Variants in UBE2V2 observed in about 807,000 individuals in gnomAD.
UBE2V2 encodes ubiquitin-conjugating enzyme E2 variant 2.
A neutral mutation model predicts 17.2 loss-of-function variants in UBE2V2; 9 were observed. The ratio of observed to expected loss-of-function variants is 0.52; its 90% CI spans 0.32 to 0.91. UBE2V2 has a LOEUF of 0.91. Among genes scored for constraint, UBE2V2 ranks in the 40% least tolerant of loss-of-function variants. The pLI is 0.04. For synonymous variants in UBE2V2, 61 were observed against 57.5 expected, an observed-to-expected ratio of 1.06 and a Z score of -0.28; for missense variants, 133 against 182.6, an observed-to-expected ratio of 0.73 and a Z score of 1.56.
At chr8:48,013,167 G>T (rs1456348766) in intron 1 of UBE2V2, among the ~76,000 whole-genome samples, 1 of 151,768 alleles carries the variant, frequency 6.6e-6, no homozygotes. Flanking sequence ...TCTTATATTG[G>T]TATGGTACAC....
At chr8:48,025,690 C>T (rs951058359) in intron 1 of UBE2V2, among the ~76,000 whole-genome samples, 2 of 151,714 alleles carry the variant, frequency 1.3e-5, no homozygotes, top group African/African-American at 4.8e-5. Context: ...AGCTCCGCCT[C>T]CTGGGTTCAC....
intron 1 of UBE2V2, among the ~76,000 whole-genome samples, chr8:48,024,753 T>C (rs1417573265): frequency 6.6e-6 from 1 of 152,110 alleles, no homozygotes; most frequent in African/African-American, 2.4e-5. Context: ...TCTAAAGGCA[T>C]TAATAGAATA....
chr8:48,025,447 TTTG>T, intron 1 of UBE2V2, among the ~76,000 whole-genome samples: 1 of 151,454 alleles, frequency 6.6e-6, no homozygotes, highest in East Asian at 2.0e-4. Flanking sequence ...TTATTTTTTT[TTTG>T]TATTTTAGTA....
intron 3 of UBE2V2, among the ~76,000 whole-genome samples, chr8:48,055,766 C>CT (rs11299073): frequency 1.2e-4 from 14 of 121,568 alleles, no homozygotes; most frequent in Non-Finnish European, 2.1e-4. Flanking sequence ...CACTTTCTGT[C>CT]TTTTTTTTTT....
At chr8:48,010,150 G>A (rs1027554158) in intron 1 of UBE2V2, among the ~76,000 whole-genome samples, 23 of 151,690 alleles carry the variant, frequency 1.5e-4, no homozygotes, top group Non-Finnish European at 4.4e-5. Context: ...AATACTTTTT[G>A]TTAATCACTT....
upstream of UBE2V2, among the ~76,000 whole-genome samples, chr8:48,005,606 A>C (rs2091178751): frequency 6.6e-6 from 1 of 152,212 alleles, no homozygotes; most frequent in Non-Finnish European, 1.5e-5. Flanking sequence ...TGTCTTCCAC[A>C]ATGGTTGAAC....
At chr8:48,022,296 C>T (rs2091311301) in intron 1 of UBE2V2, among the ~76,000 whole-genome samples, 1 of 151,892 alleles carries the variant, frequency 6.6e-6, no homozygotes, top group Admixed American at 6.6e-5. Context: ...CCACCACACC[C>T]CACTAATTTT....
chr8:48,053,631 G>C (rs2091553615), intron 3 of UBE2V2, among the ~76,000 whole-genome samples: 1 of 151,754 alleles, frequency 6.6e-6, no homozygotes, highest in Admixed American at 6.6e-5. Context: ...TCACCATGTT[G>C]GTTAGGCTGG....
the UBE2V2 span, among the ~76,000 whole-genome samples, chr8:47,999,491 G>T: frequency 1.3e-5 from 2 of 151,972 alleles, no homozygotes; most frequent in African/African-American, 4.8e-5. Context: ...CGAGTAGCTG[G>T]GATTACAGGC....
chr8:48,001,586 A>C, the UBE2V2 span, among the ~76,000 whole-genome samples: 2 of 152,156 alleles, frequency 1.3e-5, no homozygotes, highest in Non-Finnish European at 2.9e-5. Context: ...GCAACAGAGT[A>C]AGACCCTGTC....
At chr8:48,035,360 A>G (rs552985019) in intron 1 of UBE2V2, among the ~76,000 whole-genome samples, 1 of 151,802 alleles carries the variant, frequency 6.6e-6, no homozygotes, top group African/African-American at 2.4e-5. Flanking sequence ...ACCTCAGGTG[A>G]TATACCCACC....
rs201544451 is a variant in UBE2V2, at chr8:48,013,604, C to T, written c.16+5134C>T. On this transcript the variant is annotated intron_variant, in intron 1 of 3. Transcript: ENST00000523111. The stretch of plus-strand genomic sequence containing the variant: ...GATTACAGGCGTGAGCCACCGCGCC[C>T]GGCCCACATGAAACGTTTTACATTT... 2.6e-4 allele frequency among the ~76,000 whole-genome samples: 39 copies of T among 152,260 alleles called. No homozygotes were observed. The East Asian group carries it at 3.7e-3, about 14-fold the overall frequency.
chr8:48,044,294 G>A (rs924540438), intron 2 of UBE2V2, among the ~76,000 whole-genome samples: 1 of 152,070 alleles, frequency 6.6e-6, no homozygotes, highest in African/African-American at 2.4e-5. Context: ...CTGAGGTGGT[G>A]TGCACCACCA....
the UBE2V2 span, among the ~76,000 whole-genome samples, chr8:48,002,221 G>C: frequency 6.6e-6 from 1 of 152,114 alleles, no homozygotes; most frequent in Non-Finnish European, 1.5e-5. Context: ...TTGATCTTTG[G>C]GGGACACATT....
At chr8:48,009,308 C>T (rs967357936) in intron 1 of UBE2V2, among the ~76,000 whole-genome samples, 4 of 150,930 alleles carry the variant, frequency 2.7e-5, no homozygotes, top group African/African-American at 7.3e-5. Flanking sequence ...ACCCTGTTGC[C>T]CAGTTGGAAT....
At chr8:48,041,211 G>C (rs1433600216) in intron 1 of UBE2V2, among the ~76,000 whole-genome samples, 1 of 131,100 alleles carries the variant, frequency 7.6e-6, no homozygotes, top group Admixed American at 7.8e-5. Flanking sequence ...TCGCTCTGTC[G>C]TCTAGGCTGG....
intron 3 of UBE2V2, among the ~76,000 whole-genome samples, chr8:48,051,127 G>A (rs549039941): frequency 3.0e-4 from 46 of 152,220 alleles, no homozygotes; most frequent in African/African-American, 7.5e-4. Context: ...GATTACAGGC[G>A]TGAGCCACTG....
chr8:47,999,979 A>G, the UBE2V2 span, among the ~76,000 whole-genome samples: 1 of 152,346 alleles, frequency 6.6e-6, no homozygotes, highest in Non-Finnish European at 1.5e-5. Context: ...GATTTTCACA[A>G]TGCTTTTCCA....
At chr8:48,019,842 C>T (rs2091293208) in intron 1 of UBE2V2, among the ~76,000 whole-genome samples, 1 of 151,494 alleles carries the variant, frequency 6.6e-6, no homozygotes, top group Non-Finnish European at 1.5e-5. Context: ...AGGCATGGTG[C>T]CATATGCCTA....
Sources: gnomAD v4.1 joint callset for allele counts (sites outside exome capture counted in the v4.1 genomes callset) on GRCh38, gnomAD v4.1.1 for gene constraint, MANE v1.5 for transcripts, NCBI Gene and HGNC (gene_info 2026-07-23, HGNC 2026-07-21) for gene names.